NCAM2: variants seen among roughly 807,000 people sequenced by gnomAD.
NCAM2 encodes the protein neural cell adhesion molecule 2.
A neutral mutation model predicts 98.1 loss-of-function variants in NCAM2; 30 were observed. The observed-to-expected ratio is 0.31, with a 90% CI of 0.23 to 0.41. NCAM2 has a LOEUF of 0.41. Among genes scored for constraint, NCAM2 ranks in the 10% least tolerant of loss-of-function variants. The pLI is 1.00. For missense variants in NCAM2, 867 were observed against 1,005.8 expected, an observed-to-expected ratio of 0.86 and a Z score of 1.87; for synonymous variants, 368 against 342.4, an observed-to-expected ratio of 1.07 and a Z score of -0.83.
intron 9 of NCAM2, among the ~76,000 whole-genome samples, chr21:21,379,172 A>G (rs1023946341): frequency 6.6e-6 from 1 of 152,018 alleles, no homozygotes; most frequent in Non-Finnish European, 1.5e-5. Context: ...TTTTCTAGCT[A>G]AGAGTTTGAC....
chr21:21,345,553 C>T (rs2075164054), intron 8 of NCAM2, among the ~76,000 whole-genome samples: 1 of 151,460 alleles, frequency 6.6e-6, no homozygotes, highest in Admixed American at 6.6e-5. Context: ...AGCTTGAAGA[C>T]AAGCTACTTG....
At chr21:21,388,067 A>G (rs1004246692) in intron 9 of NCAM2, among the ~76,000 whole-genome samples, 6 of 152,188 alleles carry the variant, frequency 3.9e-5, no homozygotes, top group African/African-American at 9.6e-5. Context: ...ATTGGTATGG[A>G]TCCAGTAACA....
chr21:21,459,100 C>T (rs987563291), intron 12 of NCAM2, among the ~76,000 whole-genome samples: 5 of 152,030 alleles, frequency 3.3e-5, no homozygotes, highest in African/African-American at 1.2e-4. Flanking sequence ...TGAAACGGTG[C>T]TCAGTATCAC....
chr21:21,371,867 A>G (rs1329884363), intron 8 of NCAM2, among the ~76,000 whole-genome samples: 2 of 66,460 alleles, frequency 3.0e-5, no homozygotes, highest in East Asian at 2.0e-3. Context: ...ATGCGCGTGC[A>G]CACACACACA....
At position 21,077,934 on chromosome 21, in the gene NCAM2, C is replaced by T. The variant is rs895323873; in HGVS notation, c.55+79316C>T. On this transcript the variant is annotated intron_variant, in intron 1 of 17. Transcript: ENST00000400546. ...TAAAATAAAGTATTGGTGAGGTGTA[C>T]CAGTAAATTTTGGAGGTTACTTTAT... is the stretch of plus-strand genomic sequence containing the variant. Among the ~76,000 whole-genome samples the T allele has an allele frequency of 2.0e-5, 3 of 151,978 alleles. No homozygotes were observed. In the East Asian group the frequency reaches 5.8e-4, roughly 29 times the overall value.
intron 1 of NCAM2, among the ~76,000 whole-genome samples, chr21:21,097,328 A>G (rs759237945): frequency 1.3e-5 from 2 of 151,754 alleles, no homozygotes; most frequent in Admixed American, 1.3e-4. Context: ...TCAATATACC[A>G]TAGTAACTGA....
At chr21:21,338,291 T>C in intron 7 of NCAM2, 98 bp from the exon 8 acceptor site, 2 of 1,120,890 alleles carry the variant, frequency 1.8e-6, no homozygotes, top group South Asian at 1.5e-5. Flanking sequence ...AATAATATCA[T>C]ACTATACTAT....
chr21:21,389,451 C>T (rs1050549480), intron 9 of NCAM2, among the ~76,000 whole-genome samples: 9 of 152,148 alleles, frequency 5.9e-5, no homozygotes, highest in African/African-American at 9.7e-5. Flanking sequence ...CATTCTAAGT[C>T]TTATAGCTAT....
chr21:21,363,504 A>G (rs1030258576), intron 8 of NCAM2, among the ~76,000 whole-genome samples: 1 of 152,160 alleles, frequency 6.6e-6, no homozygotes, highest in East Asian at 1.9e-4. Flanking sequence ...TCATTTTTAT[A>G]TCTTAGCAAA....
chr21:21,487,676 C>T (rs1348420286), intron 15 of NCAM2, among the ~76,000 whole-genome samples: 1 of 152,072 alleles, frequency 6.6e-6, no homozygotes, highest in Non-Finnish European at 1.5e-5. Context: ...CTCCTTCTTT[C>T]TCCTCCCAAT....
intron 1 of NCAM2, among the ~76,000 whole-genome samples, chr21:21,193,668 G>A (rs1360853993): frequency 6.6e-6 from 1 of 151,762 alleles, no homozygotes; most frequent in Non-Finnish European, 1.5e-5. Context: ...GCTAATTTTT[G>A]TATTTTCAGA....
At chr21:21,393,793 A>G (rs2076434963) in intron 9 of NCAM2, among the ~76,000 whole-genome samples, 1 of 152,216 alleles carries the variant, frequency 6.6e-6, no homozygotes, top group Admixed American at 6.5e-5. Flanking sequence ...GCTATTCATG[A>G]AAAATTCAAA....
intron 11 of NCAM2, among the ~76,000 whole-genome samples, chr21:21,426,744 G>C (rs73324855): frequency 0.025 from 3,820 of 152,016 alleles, 157 homozygotes; most frequent in African/African-American, 0.088. Context: ...GAGAAAAGTG[G>C]GACTGACATT....
intron 12 of NCAM2, among the ~76,000 whole-genome samples, chr21:21,460,837 G>T (rs1237452366): frequency 1.3e-5 from 2 of 151,638 alleles, no homozygotes; most frequent in Non-Finnish European, 3.0e-5. Flanking sequence ...TTATTAGGAG[G>T]TTAAATAGGT....
intron 1 of NCAM2, among the ~76,000 whole-genome samples, chr21:21,005,904 A>G (rs537963236): frequency 2.0e-5 from 3 of 152,216 alleles, no homozygotes; most frequent in African/African-American, 7.2e-5. Context: ...AAGGGAGGAA[A>G]AAAAGAACTA....
chr21:21,059,155 C>G (rs1412506005), intron 1 of NCAM2, among the ~76,000 whole-genome samples: 1 of 151,952 alleles, frequency 6.6e-6, no homozygotes, highest in Non-Finnish European at 1.5e-5. Flanking sequence ...ATCTTCTTTG[C>G]ATTTCTTTAT....
intron 1 of NCAM2, among the ~76,000 whole-genome samples, chr21:21,081,054 C>G (rs79430355): frequency 6.6e-6 from 1 of 152,106 alleles, no homozygotes; most frequent in Non-Finnish European, 1.5e-5. Context: ...CAGGATCTTG[C>G]GTTACTTCAC....
chr21:21,175,233 A>C (rs1001214988), intron 1 of NCAM2, among the ~76,000 whole-genome samples: 1 of 151,924 alleles, frequency 6.6e-6, no homozygotes, highest in African/African-American at 2.4e-5. Context: ...ATGATGGTAG[A>C]CTTGAAAAAC....
intron 6 of NCAM2, among the ~76,000 whole-genome samples, chr21:21,329,060 T>A (rs2074600872): frequency 6.6e-6 from 1 of 151,740 alleles, no homozygotes; most frequent in South Asian, 2.1e-4. Flanking sequence ...GTTCAACTGA[T>A]TCTCCTGCCT....
Sources: allele counts gnomAD v4.1 joint callset (sites outside exome capture counted in the v4.1 genomes callset), GRCh38; gene constraint gnomAD v4.1.1; transcripts MANE v1.5; gene names NCBI Gene and HGNC (gene_info 2026-07-23, HGNC 2026-07-21).